The following BLMH variants were observed in gnomAD, a reference collection of about 807,000 sequenced individuals.
BLMH encodes the protein bleomycin hydrolase.
Under a neutral mutation model 61.6 loss-of-function variants are expected in BLMH, and 32 were observed. The ratio of observed to expected loss-of-function variants is 0.52; its 90% CI spans 0.39 to 0.70. The LOEUF is 0.70. BLMH is among the 30% of genes least tolerant of loss of function. The pLI, the probability that BLMH is intolerant of heterozygous loss-of-function variation, is 0.00. For missense variants in BLMH, 460 were observed against 555.5 expected (o/e 0.83, Z 1.73); for synonymous variants, 183 against 193.8 (o/e 0.94, Z 0.46).
chr17:30,291,241 TAAATA>T (rs1232062500), intron 2 of BLMH, 65 bp downstream of exon 2: 1 of 1,556,086 alleles, frequency 6.4e-7, no homozygotes, highest in Non-Finnish European at 8.7e-7. Flanking sequence ...AGACCACTCT[TAAATA>T]AGACACCAAA....
chr17:30,282,095 T>C (rs140791680), intron 6 of BLMH, among the ~76,000 whole-genome samples: 116 of 152,306 alleles, frequency 7.6e-4, no homozygotes, highest in African/African-American at 2.8e-3. Context: ...TCTCACTAGG[T>C]TGCCCAGGTA....
chr17:30,284,209 T>C (rs1908666311), intron 6 of BLMH, among the ~76,000 whole-genome samples: 1 of 152,244 alleles, frequency 6.6e-6, no homozygotes, highest in African/African-American at 2.4e-5. Flanking sequence ...AATTTCTGCA[T>C]TCGTCCACTC....
intron 6 of BLMH, among the ~76,000 whole-genome samples, chr17:30,281,064 GTGTTTTTTTTTTTGTTGTTTCTTTGT>G (rs1908572438): frequency 6.9e-6 from 1 of 144,980 alleles, no homozygotes; most frequent in Non-Finnish European, 1.5e-5. Flanking sequence ...GCAAAGATCT[GTGTTTTTTTTTTTGTTGTTTCTTTGT>G]TGTTTTTTTT....
In BLMH at chr17:30,248,561, G is replaced by C. The variant is rs1907587542; in HGVS notation, c.*456C>G. ...CAGTGACTGCCATCTAGGAAAGACA[G>C]TGATACTGTCCAGCAGCATGCAGTT... On this transcript the variant is annotated 3_prime_UTR_variant, in exon 12 of 12. Coordinates refer to ENST00000261714, the MANE Select transcript of BLMH (RefSeq NM_000386.4). 6.5e-6 allele frequency: 1 copy of C among 154,542 alleles called. No individual in the cohort carries two copies. The highest frequency in any genetic ancestry group is 1.4e-5 in the Non-Finnish European group (1 of 69,490). 9.6% of individuals were successfully genotyped at this position (154,542 alleles called of 1,614,324 possible). A position where few individuals can be genotyped will look rare whatever the true frequency, so the allele number is the denominator to read the frequency against.
At chr17:30,289,257 G>A (rs1908816258) in intron 3 of BLMH, 116 bp downstream of exon 3, 1 of 508,892 alleles carries the variant, frequency 2.0e-6, no homozygotes, top group Non-Finnish European at 3.3e-6. Flanking sequence ...CAGAATAAAA[G>A]GTGTCTCACC....
At chr17:30,255,153 A>T (rs1907780002) in intron 11 of BLMH, among the ~76,000 whole-genome samples, 2 of 152,182 alleles carry the variant, frequency 1.3e-5, no homozygotes, top group East Asian at 3.8e-4. Context: ...GTGTAATGAC[A>T]TTCTGGTCAA....
intron 7 of BLMH, 33 bp from the exon 8 acceptor site, chr17:30,272,932 C>T: frequency 5.0e-6 from 8 of 1,607,218 alleles, no homozygotes; most frequent in Non-Finnish European, 6.8e-6. Context: ...AATTAGGGCA[C>T]AAAACCAGGA....
At chr17:30,282,038 T>C (rs1353921259) in intron 6 of BLMH, among the ~76,000 whole-genome samples, 1 of 151,926 alleles carries the variant, frequency 6.6e-6, no homozygotes, top group African/African-American at 2.4e-5. Flanking sequence ...CTGACAAATA[T>C]TGGTTTTGGT....
intron 6 of BLMH, among the ~76,000 whole-genome samples, chr17:30,278,450 C>T (rs1336811017): frequency 1.3e-5 from 2 of 152,136 alleles, no homozygotes; most frequent in African/African-American, 4.8e-5. Context: ...TGAAATTGCT[C>T]ACTTCCCATC....
intron 10 of BLMH, among the ~76,000 whole-genome samples, chr17:30,268,157 T>C (rs1211169888): frequency 6.6e-6 from 1 of 152,240 alleles, no homozygotes; most frequent in African/African-American, 2.4e-5. Flanking sequence ...CCAACTTTAC[T>C]TTCCTTTTAA....
chr17:30,260,880 T>TAACAACAAC (rs371906610), intron 11 of BLMH, among the ~76,000 whole-genome samples: 1 of 151,708 alleles, frequency 6.6e-6, no homozygotes, highest in East Asian at 1.9e-4. Flanking sequence ...CAAGACTCCA[T>TAACAACAAC]AACAACAACA....
Position 30,291,326 on chromosome 17 carries a change from T to C in BLMH, c.196A>G (p.Asn66Asp). ...AAGCCCACACCTGAGCTCTTCTGGT[T>C]GGTGATTGGCTTGCCCTCCTGGGGC... ...AVPQEGKPIT[N>D]QKSSGRCWIF... The change falls in exon 2 of 12, where the codon AAC (asparagine) becomes GAC (aspartate). Residue 66 changes from asparagine (N) to aspartate (D), a missense_variant. Transcript: ENST00000261714. The C allele has an allele frequency of 6.2e-7, 1 of 1,612,744 alleles. No individual in the cohort carries two copies. The highest frequency in any genetic ancestry group is 1.3e-5 in the African/African-American group (1 of 75,020).
chr17:30,281,392 A>C (rs1421791271), intron 6 of BLMH, among the ~76,000 whole-genome samples: 2 of 151,552 alleles, frequency 1.3e-5, no homozygotes, highest in African/African-American at 4.8e-5. Context: ...AAGGTGATTC[A>C]TGTGCACATT....
At chr17:30,266,660 A>T (rs1232240445) in intron 11 of BLMH, among the ~76,000 whole-genome samples, 1 of 152,214 alleles carries the variant, frequency 6.6e-6, no homozygotes, top group Non-Finnish European at 1.5e-5. Context: ...AGTTTGCAAC[A>T]AATGCAGCAC....
At chr17:30,284,059 C>T (rs1908662151) in intron 6 of BLMH, among the ~76,000 whole-genome samples, 3 of 152,284 alleles carry the variant, frequency 2.0e-5, no homozygotes, top group East Asian at 3.9e-4. Context: ...GGATCACAGA[C>T]TGTTAAGTAA....
rs1567839243 is a variant in BLMH at position 30,285,382 on chromosome 17, T to C, written c.645+6A>G. ...GGTCACAAAAAAATCCAAATTTTGT[T>C]ATTACCTCCTCCATCATGACGTCCT... On this transcript the variant is annotated splice_donor_region_variant and intron_variant, in intron 6 of 11. Coordinates refer to ENST00000261714, the MANE Select transcript of BLMH (RefSeq NM_000386.4). The C allele has an allele frequency of 1.2e-6, 2 of 1,603,732 alleles. No individual in the cohort carries two copies. Among genetic ancestry groups the C allele is most frequent in the Non-Finnish European group, 8.5e-7 (1 of 1,174,812 alleles).
At chr17:30,257,857 T>C (rs1343572515) in intron 11 of BLMH, among the ~76,000 whole-genome samples, 16 of 152,210 alleles carry the variant, frequency 1.1e-4, no homozygotes. Flanking sequence ...ACTTGGGAGG[T>C]AGTTATGGCT....
chr17:30,264,436 AAAAGT>A (rs1908044357), intron 11 of BLMH, among the ~76,000 whole-genome samples: 1 of 152,240 alleles, frequency 6.6e-6, no homozygotes, highest in Non-Finnish European at 1.5e-5. Flanking sequence ...TTTATTGAGT[AAAAGT>A]AAAGAGGTAA....
intron 6 of BLMH, among the ~76,000 whole-genome samples, chr17:30,278,070 C>T (rs1307175376): frequency 6.6e-6 from 1 of 152,076 alleles, no homozygotes; most frequent in Non-Finnish European, 1.5e-5. Flanking sequence ...ATATCTGACT[C>T]TGAGCCAAAT....
Sources: gnomAD v4.1 joint callset for allele counts (sites outside exome capture counted in the v4.1 genomes callset) on GRCh38, gnomAD v4.1.1 for gene constraint, MANE v1.5 for transcripts, NCBI Gene and HGNC (gene_info 2026-07-23, HGNC 2026-07-21) for gene names.